SCN10A: variants seen among roughly 807,000 people sequenced by gnomAD.
The protein encoded by SCN10A is sodium channel protein type 10 subunit alpha.
SCN10A carries 162 observed loss-of-function variants against 170.7 expected under a neutral mutation model. The observed-to-expected ratio is 0.95, with a 90% CI of 0.84 to 1.08. The LOEUF is 1.08. SCN10A is among the 50% of genes least tolerant of loss of function. SCN10A has a pLI of 0.00. For missense variants in SCN10A, 2,527 were observed against 2,436.9 expected (o/e 1.04, Z -0.78); for synonymous variants, 985 against 904.6 (o/e 1.09, Z -1.59).
intron 15 of SCN10A, 64 bp from the exon 16 acceptor site, chr3:38,728,965 T>G (rs2063487743): frequency 1.3e-6 from 2 of 1,526,984 alleles, no homozygotes; most frequent in Non-Finnish European, 1.8e-6. Flanking sequence ...TCTAAAGTTT[T>G]GCCTGGAAAC....
At position 38,793,852 on chromosome 3, in the gene SCN10A, G is replaced by A. The variant is rs1368922713; in HGVS notation, c.159C>T (p.Pro53=). Reference sequence around the variant, plus strand: ...GGTTGCAGGCTTTCAAGTCCAGCTGGGGCCGAGGCTTCTCTTCTTGGTCCT... The same window carrying A: ...GGTTGCAGGCTTTCAAGTCCAGCTGAGGCCGAGGCTTCTCTTCTTGGTCCT... The part of the protein sequence containing the change: ...EQKDQEEKPR[P]QLDLKACNQL... The change falls in exon 2 of 28, where the codon CCC becomes CCT. Residue 53 remains proline (P), a synonymous_variant. Transcript: ENST00000449082. 7 of 1,613,886 alleles carry A rather than the reference G, an allele frequency of 4.3e-6. No homozygotes were observed. The highest frequency in any genetic ancestry group is 5.9e-6 in the Non-Finnish European group (7 of 1,179,976).
In SCN10A at chr3:38,769,239, CTTTTT is replaced by C. The variant is rs56406440; in HGVS notation, c.599+2035_599+2039del. 4.5e-5 allele frequency among the ~76,000 whole-genome samples: 5 copies of C among 109,980 alleles called. No individual in the cohort carries two copies. The East Asian group carries it at 8.1e-4, about 18-fold the overall frequency. The allele number at this position is 109,980 out of a possible 152,430, so 72.2% of individuals were successfully genotyped here. On this transcript the variant is annotated intron_variant, in intron 5 of 27. Transcript: ENST00000449082. ...CACTTAATAATCAGCCTTCTGAATTCTTTTTTTTTTTTTTTTGAGATGGATTTTCA... is the reference window on the plus strand; with the variant it reads ...CACTTAATAATCAGCCTTCTGAATTCTTTTTTTTTTTGAGATGGATTTTCA...
Position 38,725,311 on chromosome 3 carries a change from C to T in SCN10A, c.3091G>A (p.Glu1031Lys), listed in dbSNP as rs753759590. 3.8e-6 allele frequency: 6 copies of T among 1,576,652 alleles called. No individual in the cohort carries two copies. The highest frequency in any genetic ancestry group is 5.2e-6 in the Non-Finnish European group (6 of 1,151,412). The change falls in exon 18 of 28, where the codon GAG becomes AAG. Residue 1031 changes from glutamate (E) to lysine (K), a missense_variant. Physicochemically the swap from Glu to Lys is moderately conservative, Grantham distance 56 (BLOSUM62 1). Coordinates refer to ENST00000449082, the MANE Select transcript of SCN10A (RefSeq NM_006514.4). ...CACCTCTCGACTTGCTGCAGCTGCT[C>T]CTGCTAGTGAGAGAGGGTCCCAACT... is the stretch of plus-strand genomic sequence containing the variant. ...QQEVIPKGQQ[E>K]QLQQVERCGD...
chr3:38,726,164 G>A (rs139628764), intron 17 of SCN10A, among the ~76,000 whole-genome samples: 343 of 152,334 alleles, frequency 2.3e-3, no homozygotes, highest in African/African-American at 6.7e-3. Context: ...CAAAAGGAGC[G>A]TGTCATTTCC....
rs1008079839 is a variant in SCN10A at position 38,698,015 on chromosome 3, G to T, written c.5205C>A (p.Pro1735=). Residue 1735 remains proline, a synonymous_variant, in exon 28 of 28, where the codon CCC becomes CCA. Transcript: ENST00000449082. ...FNVATEESTE[P]LSEDDFDMFY... The stretch of plus-strand genomic sequence containing the variant: ...ACATGTCAAAGTCGTCCTCACTCAG[G>T]GGCTCAGTGCTCTCCTCCGTGGCCA... 1.1e-5 allele frequency: 17 copies of T among 1,613,988 alleles called. No individual in the cohort carries two copies. The African/African-American group carries it at 2.3e-4, about 22-fold the overall frequency.
At chr3:38,773,407 A>G (rs2064033764) in intron 4 of SCN10A, among the ~76,000 whole-genome samples, 1 of 152,170 alleles carries the variant, frequency 6.6e-6, no homozygotes, top group African/African-American at 2.4e-5. Context: ...AGAAGAAAAA[A>G]TCTCTAGAAA....
At chr3:38,788,254 G>C (rs572890684) in intron 4 of SCN10A, among the ~76,000 whole-genome samples, 1 of 140,456 alleles carries the variant, frequency 7.1e-6, no homozygotes, top group South Asian at 2.3e-4. Context: ...GCTCTGCAAA[G>C]CACCTGTTAT....
chr3:38,725,256 C>T lies in SCN10A; in HGVS notation c.3146G>A (p.Gly1049Asp), dbSNP rs1451593343. ...CGDHLTPRSP[G>D]TGTSSEDLAP... Reference sequence around the variant, plus strand: ...CAGGTCCTCAGAAGATGTTCCAGTGCCTGGGCTCCTGGGTGTCAGGTGGTC... The same window carrying T: ...CAGGTCCTCAGAAGATGTTCCAGTGTCTGGGCTCCTGGGTGTCAGGTGGTC... Residue 1049 changes from glycine (G) to aspartate (D), a missense_variant, in exon 18 of 28, where the codon GGC becomes GAC. Gly to Asp is a moderately conservative substitution (Grantham distance 94, BLOSUM62 -1). Transcript: ENST00000449082. The T allele has an allele frequency of 5.0e-6, 8 of 1,603,772 alleles. No homozygotes were observed. The highest frequency in any genetic ancestry group is 2.2e-5 in the South Asian group (2 of 89,848).
chr3:38,719,458 A>G (rs1245917929), intron 20 of SCN10A, among the ~76,000 whole-genome samples: 1 of 127,786 alleles, frequency 7.8e-6, no homozygotes, highest in African/African-American at 3.0e-5. Context: ...CAGTAGCGGG[A>G]TCTCGGCTCA....
intron 11 of SCN10A, 100 bp from the exon 12 acceptor site, chr3:38,752,612 G>T: frequency 1.0e-6 from 1 of 971,584 alleles, no homozygotes; most frequent in Non-Finnish European, 1.5e-6. Context: ...CCCTGCCCCT[G>T]TCTTTATGAC....
chr3:38,720,251 T>C (rs1241749742), intron 20 of SCN10A, among the ~76,000 whole-genome samples: 2 of 152,224 alleles, frequency 1.3e-5, no homozygotes, highest in Non-Finnish European at 2.9e-5. Context: ...ACATAGAGAT[T>C]GGTTGAGTAA....
chr3:38,707,412 GCAAGAGGAACCCCCTACGGATAC>G, intron 25 of SCN10A, 29 bp from the exon 26 acceptor site: 1 of 1,611,330 alleles, frequency 6.2e-7, no homozygotes, highest in Non-Finnish European at 8.5e-7. Flanking sequence ...TGTTACTAAA[GCAAGAGGAACCCCCTACGGATAC>G]CAAAATCAGA....
chr3:38,726,586 C>A lies in SCN10A; in HGVS notation c.3087+20G>T, dbSNP rs759682828. Reference sequence around the variant, plus strand: ...GCCCCTCCCCACTGCCTGTGGCTGTCCCTTGGGGATAACTCTTACCTGTCC... The same window carrying A: ...GCCCCTCCCCACTGCCTGTGGCTGTACCTTGGGGATAACTCTTACCTGTCC... On this transcript the variant is annotated intron_variant, in intron 17 of 27. Coordinates refer to ENST00000449082, the MANE Select transcript of SCN10A (RefSeq NM_006514.4). The A allele has an allele frequency of 1.9e-6, 3 of 1,551,782 alleles. No homozygotes were observed. The highest frequency in any genetic ancestry group is 1.8e-5 in the Admixed American group (1 of 56,204).
chr3:38,707,254 G>A (rs1372551818), intron 26 of SCN10A, 25 bp downstream of exon 26: 12 of 1,609,784 alleles, frequency 7.5e-6, no homozygotes, highest in Non-Finnish European at 1.7e-6. Flanking sequence ...GACAGGCTGT[G>A]CTAGAGGAAA....
Position 38,697,283 on chromosome 3 carries a change from GGAAA to G in SCN10A, c.*62_*65del. 3.8e-6 allele frequency: 6 copies of G among 1,570,388 alleles called. No homozygotes were observed. The highest frequency in any genetic ancestry group is 5.2e-6 in the Non-Finnish European group (6 of 1,156,944). The stretch of plus-strand genomic sequence containing the variant: ...CTGTAGCTGGGTGTGATCTGCAATG[GGAAA>G]GAGTTAACACAGAGCAGAAGGACGC... On this transcript the variant is annotated 3_prime_UTR_variant, in exon 28 of 28. Transcript: ENST00000449082.
chr3:38,734,705 A>C (rs1428126660), intron 15 of SCN10A, among the ~76,000 whole-genome samples: 1 of 152,176 alleles, frequency 6.6e-6, no homozygotes. Context: ...TCTTATCTTT[A>C]AAAAAAGCCT....
chr3:38,710,766 C>T, intron 24 of SCN10A, 78 bp downstream of exon 24: 1 of 1,389,946 alleles, frequency 7.2e-7, no homozygotes, highest in Non-Finnish European at 1.0e-6. Context: ...GGGTCATCGT[C>T]ACTTCATTTC....
Position 38,710,758 on chromosome 3 carries a change from G to C in SCN10A, c.4143+86C>G, listed in dbSNP as rs760841353. 4.8e-5 allele frequency: 63 copies of C among 1,300,962 alleles called. No individual in the cohort carries two copies. The South Asian group carries it at 7.8e-4, about 16-fold the overall frequency. 80.6% of individuals were successfully genotyped at this position (1,300,962 alleles called of 1,614,324 possible). A position where few individuals can be genotyped will look rare whatever the true frequency, so the allele number is the denominator to read the frequency against. ...GGTGATCGCCTCTTCCAGTACCAGG[G>C]TCATCGTCACTTCATTTCAAATGCA... On this transcript the variant is annotated intron_variant, in intron 24 of 27. Coordinates refer to ENST00000449082, the MANE Select transcript of SCN10A (RefSeq NM_006514.4).
chr3:38,767,169 C>A (rs1349850592), intron 5 of SCN10A, among the ~76,000 whole-genome samples: 1 of 151,532 alleles, frequency 6.6e-6, no homozygotes, highest in African/African-American at 2.4e-5. Flanking sequence ...TTTTCTATAT[C>A]TTTTTAAAGA....
Sources: gnomAD v4.1 joint callset for allele counts (sites outside exome capture counted in the v4.1 genomes callset) on GRCh38, gnomAD v4.1.1 for gene constraint, MANE v1.5 for transcripts, NCBI Gene and HGNC (gene_info 2026-07-23, HGNC 2026-07-21) for gene names.